C8orf34: variants seen among roughly 807,000 people sequenced by gnomAD.
C8orf34 encodes the protein chromosome 8 open reading frame 34.
C8orf34 carries 65 observed loss-of-function variants against 68.3 expected under a neutral mutation model. The ratio of observed to expected loss-of-function variants is 0.95; its 90% CI spans 0.78 to 1.17. The LOEUF is 1.17. C8orf34 is among the 50% of genes most tolerant of loss of function. C8orf34 has a pLI of 0.00. For missense variants in C8orf34, 664 were observed against 655.4 expected (o/e 1.01, Z -0.14); for synonymous variants, 244 against 241.2 (o/e 1.01, Z -0.11).
At chr8:68,592,596 CTTTTTTT>C (rs869214252) in intron 7 of C8orf34, among the ~76,000 whole-genome samples, 1 of 26,496 alleles carries the variant, frequency 3.8e-5, no homozygotes, top group African/African-American at 1.4e-4. Context: ...TTTATCTCTT[CTTTTTTT>C]TTTTTTTTTT....
chr8:68,600,823 T>C (rs1298813021), intron 7 of C8orf34, among the ~76,000 whole-genome samples: 1 of 152,188 alleles, frequency 6.6e-6, no homozygotes, highest in Non-Finnish European at 1.5e-5. Flanking sequence ...TTGTTAACCA[T>C]AGTCACTCTA....
At chr8:68,704,374 C>T (rs893251397) in intron 8 of C8orf34, among the ~76,000 whole-genome samples, 1 of 151,986 alleles carries the variant, frequency 6.6e-6, no homozygotes, top group Admixed American at 6.6e-5. Flanking sequence ...AGTATAATGA[C>T]ACAGAGGCTT....
intron 7 of C8orf34, among the ~76,000 whole-genome samples, chr8:68,589,614 AG>A (rs1817316645): frequency 1.1e-5 from 1 of 91,910 alleles, no homozygotes; most frequent in African/African-American, 4.7e-5. Flanking sequence ...AGAAAGAAGG[AG>A]AGAAGAAGAA....
chr8:68,650,203 G>A (rs145567774), intron 8 of C8orf34, among the ~76,000 whole-genome samples: 3,349 of 151,978 alleles, frequency 0.022, 52 homozygotes, highest in Middle Eastern at 0.054. Context: ...GGTGATACCC[G>A]AGGTTCGTTG....
intron 6 of C8orf34, among the ~76,000 whole-genome samples, chr8:68,524,112 A>G (rs944149721): frequency 2.0e-5 from 3 of 152,182 alleles, no homozygotes; most frequent in Non-Finnish European, 2.9e-5. Context: ...TCTATTGTGC[A>G]TTAAGTCTTA....
chr8:68,585,597 T>C (rs1159492546), intron 7 of C8orf34, among the ~76,000 whole-genome samples: 2 of 152,118 alleles, frequency 1.3e-5, no homozygotes, highest in African/African-American at 4.8e-5. Context: ...GGGTCAGGAA[T>C]TTGGGAGCAG....
chr8:68,720,979 AC>A (rs551984135), intron 9 of C8orf34, among the ~76,000 whole-genome samples: 85 of 151,984 alleles, frequency 5.6e-4, no homozygotes, highest in Middle Eastern at 3.4e-3. Context: ...AAATTGTGTA[AC>A]CCCCCAAAAG....
rs535676054 is a variant in C8orf34, at chr8:68,581,954, G to C, written c.1105+48805G>C. On this transcript the variant is annotated intron_variant, in intron 7 of 13. Coordinates refer to ENST00000518698, the MANE Select transcript of C8orf34 (RefSeq NM_052958.4). ...TTTGGGAAAGCACACACACACAAAA[G>C]GATAGGAATTGGCACTCAGCAGTGT... is the stretch of plus-strand genomic sequence containing the variant. 6.6e-5 allele frequency among the ~76,000 whole-genome samples: 10 copies of C among 152,234 alleles called. No homozygotes were observed. The East Asian group carries it at 1.5e-3, about 24-fold the overall frequency.
intron 12 of C8orf34, among the ~76,000 whole-genome samples, chr8:68,794,620 G>C (rs1401447062): frequency 6.7e-6 from 1 of 148,630 alleles, no homozygotes; most frequent in Admixed American, 6.7e-5. Flanking sequence ...TTCTCCCACT[G>C]GGACTACAGG....
chr8:68,522,403 AC>A (rs1814794876), intron 6 of C8orf34, among the ~76,000 whole-genome samples: 1 of 152,210 alleles, frequency 6.6e-6, no homozygotes, highest in Non-Finnish European at 1.5e-5. Flanking sequence ...GTTAATATTG[AC>A]CATAAAGAAA....
At chr8:68,807,243 A>T (rs1824514284) in intron 12 of C8orf34, among the ~76,000 whole-genome samples, 1 of 152,240 alleles carries the variant, frequency 6.6e-6, no homozygotes, top group South Asian at 2.1e-4. Context: ...TGGTTCTACC[A>T]CTTGGGAAAA....
At chr8:68,331,547 T>G (rs1805592620) in intron 1 of C8orf34, 8 of 618,400 alleles carry the variant, frequency 1.3e-5, no homozygotes, top group Middle Eastern at 2.7e-4. Context: ...GCCAGTTACC[T>G]GAACGCGGAC....
rs1283042578 is a variant in C8orf34 at position 68,527,937 on chromosome 8, A to T, written c.939-5046A>T. Among the ~76,000 whole-genome samples the T allele has an allele frequency of 2.0e-5, 3 of 152,250 alleles. No homozygotes were observed. The East Asian group carries it at 5.8e-4, about 29-fold the overall frequency. On this transcript the variant is annotated intron_variant, in intron 6 of 13. Coordinates refer to ENST00000518698, the MANE Select transcript of C8orf34 (RefSeq NM_052958.4). ...TGGGGCTGGAGAAGAGGGTGGTGTC[A>T]TCCTTTATCGTCTGCTGCTTCCAGA...
intron 1 of C8orf34, among the ~76,000 whole-genome samples, chr8:68,372,015 A>G (rs1277105803): frequency 6.6e-6 from 1 of 152,202 alleles, no homozygotes. Context: ...AACACAGGCT[A>G]TAATATTTTT....
At chr8:68,574,597 A>G (rs572207439) in intron 7 of C8orf34, among the ~76,000 whole-genome samples, 374 of 152,190 alleles carry the variant, frequency 2.5e-3, no homozygotes, top group Non-Finnish European at 4.1e-3. Context: ...TATCTTACCC[A>G]TAATGGAAAC....
intron 10 of C8orf34, among the ~76,000 whole-genome samples, chr8:68,758,168 A>T (rs962607669): frequency 1.3e-5 from 2 of 152,226 alleles, no homozygotes; most frequent in Non-Finnish European, 2.9e-5. Flanking sequence ...AATGACATAA[A>T]CATGAAATTT....
rs543758961 is a variant in C8orf34 at position 68,628,355 on chromosome 8, A to G, written c.1106-12021A>G. On this transcript the variant is annotated intron_variant, in intron 7 of 13. Transcript: ENST00000518698. ...GTAAAAATAGAGAACCAACAGAAAC[A>G]TGGCCTGAACATCTTTCCTTCGTCT... Among the ~76,000 whole-genome samples the G allele has an allele frequency of 1.6e-4, 25 of 152,254 alleles. No homozygotes were observed. In the East Asian group the frequency reaches 4.8e-3, roughly 29 times the overall value.
intron 5 of C8orf34, among the ~76,000 whole-genome samples, chr8:68,493,773 G>T (rs1168689436): frequency 6.6e-6 from 1 of 152,122 alleles, no homozygotes; most frequent in African/African-American, 2.4e-5. Context: ...AACCTGTTTG[G>T]TTTTTCTGCT....
At chr8:68,634,311 C>T (rs867220102) in intron 7 of C8orf34, among the ~76,000 whole-genome samples, 132 of 152,298 alleles carry the variant, frequency 8.7e-4, no homozygotes, top group African/African-American at 3.2e-3. Flanking sequence ...TTTCAAATGC[C>T]TTTAACTCAA....
Sources: gnomAD v4.1 joint callset for allele counts (sites outside exome capture counted in the v4.1 genomes callset) on GRCh38, gnomAD v4.1.1 for gene constraint, MANE v1.5 for transcripts, NCBI Gene and HGNC (gene_info 2026-07-23, HGNC 2026-07-21) for gene names.